ADAMTS2: variants seen among roughly 807,000 people sequenced by gnomAD.
ADAMTS2 encodes ADAM metallopeptidase with thrombospondin type 1 motif 2, also known as A disintegrin and metalloproteinase with thrombospondin motifs 2.
In ADAMTS2, 50 loss-of-function variants were observed where a neutral mutation model predicts 123.0. The ratio of observed to expected loss-of-function variants is 0.41; its 90% CI spans 0.32 to 0.51. The LOEUF (loss-of-function observed/expected upper bound fraction) is 0.51, where lower values mean the gene tolerates loss of function less well. Ranked by LOEUF, ADAMTS2 falls within the 20% of genes least tolerant of loss-of-function variation. The pLI, the probability that ADAMTS2 is intolerant of heterozygous loss-of-function variation, is 0.35. For synonymous variants in ADAMTS2, 678 were observed against 695.4 expected (o/e 0.98, Z 0.39); for missense variants, 1,494 against 1,705.2 (o/e 0.88, Z 2.18).
Position 179,272,033 on chromosome 5 carries a change from C to A in ADAMTS2, c.688+878G>T, listed in dbSNP as rs1002768439. On this transcript the variant is annotated intron_variant, in intron 3 of 21. Transcript: ENST00000251582. The surrounding 1 kb of genome is among the most constrained non-coding windows in gnomAD (Gnocchi z 5.8). ...GACCAGAGGCTGAGGGCTGAGCTCG[C>A]AGCTTCCCACTCTCCCAGCAAGAGC... Among the ~76,000 whole-genome samples, 2 of 152,238 alleles carry A rather than the reference C, an allele frequency of 1.3e-5. No homozygotes were observed. Among genetic ancestry groups the A allele is most frequent in the South Asian group, 4.1e-4 (2 of 4,834 alleles).
At chr5:179,337,140 CAG>C (rs1332523871) in intron 2 of ADAMTS2, among the ~76,000 whole-genome samples, 1 of 152,156 alleles carries the variant, frequency 6.6e-6, no homozygotes, top group Non-Finnish European at 1.5e-5. Flanking sequence ...ACATACGCAG[CAG>C]AGTGTGCAGC....
rs1320425687 is a variant in ADAMTS2 at position 179,118,050 on chromosome 5, G to A, written c.3178+3611C>T. 2.0e-5 allele frequency among the ~76,000 whole-genome samples: 3 copies of A among 152,116 alleles called. No individual in the cohort carries two copies. Among genetic ancestry groups the A allele is most frequent in the Non-Finnish European group, 4.4e-5 (3 of 68,014 alleles). ...TGAGTGAGGGGTGGCAGCCCCAGGT[G>A]GGGTCCCCCTTCCACCTGGTCTACA... On this transcript the variant is annotated intron_variant, in intron 21 of 21. Transcript: ENST00000251582. This position sits in a 1 kb window ranked among gnomAD's most constrained non-coding sequence, Gnocchi z 4.5.
intron 13 of ADAMTS2, 145 bp from the exon 14 acceptor site, chr5:179,133,045 C>G: frequency 1.8e-6 from 2 of 1,118,774 alleles, no homozygotes; most frequent in Non-Finnish European, 2.6e-6. Flanking sequence ...AGGCGTGAAC[C>G]ACCTTGCCTG....
intron 2 of ADAMTS2, among the ~76,000 whole-genome samples, chr5:179,324,251 A>G (rs935018441): frequency 6.6e-6 from 1 of 152,246 alleles, no homozygotes; most frequent in African/African-American, 2.4e-5. Flanking sequence ...TACTAAAGCC[A>G]TTCATTGAAT....
intron 6 of ADAMTS2, among the ~76,000 whole-genome samples, chr5:179,157,418 G>C (rs1763494874): frequency 6.6e-6 from 1 of 152,170 alleles, no homozygotes; most frequent in Admixed American, 6.5e-5. Flanking sequence ...GTGTTTGAGG[G>C]GAGCTATCCA....
At chr5:179,208,357 A>T (rs1440574553) in intron 3 of ADAMTS2, among the ~76,000 whole-genome samples, 1 of 152,140 alleles carries the variant, frequency 6.6e-6, no homozygotes, top group Non-Finnish European at 1.5e-5. Context: ...GCGAGGCCCC[A>T]CATCTCTGGG....
intron 3 of ADAMTS2, among the ~76,000 whole-genome samples, chr5:179,265,904 G>C (rs567061343): frequency 7.9e-5 from 12 of 152,356 alleles, no homozygotes; most frequent in South Asian, 6.2e-4. Flanking sequence ...TCAGCTCCAG[G>C]GTGGAAAGAG....
chr5:179,312,969 G>A lies in ADAMTS2; in HGVS notation c.534+30798C>T, dbSNP rs1391548235. Among the ~76,000 whole-genome samples the A allele has an allele frequency of 2.0e-5, 3 of 152,242 alleles. No individual in the cohort carries two copies. The highest frequency in any genetic ancestry group is 4.8e-5 in the African/African-American group (2 of 41,456). The stretch of plus-strand genomic sequence containing the variant: ...CTGATATGGACTAAAAGTGGTGAGA[G>A]AATTATGGTAGAAGAATGGGGCTGG... On this transcript the variant is annotated intron_variant, in intron 2 of 21. Coordinates refer to ENST00000251582, the MANE Select transcript of ADAMTS2 (RefSeq NM_014244.5). The surrounding 1 kb of genome is among the most constrained non-coding windows in gnomAD (Gnocchi z 4.2).
intron 3 of ADAMTS2, among the ~76,000 whole-genome samples, chr5:179,245,743 G>A (rs541843948): frequency 7.4e-5 from 8 of 108,466 alleles, no homozygotes; most frequent in Non-Finnish European, 1.4e-4. Flanking sequence ...TCCAGCCTGG[G>A]CGACAGAGCG....
chr5:179,296,950 G>A (rs948491690), intron 2 of ADAMTS2, among the ~76,000 whole-genome samples: 5 of 152,174 alleles, frequency 3.3e-5, no homozygotes, highest in Middle Eastern at 3.2e-3. Flanking sequence ...AAGAGAGACA[G>A]AGAAAACTGC....
Position 179,207,420 on chromosome 5 carries a change from T to C in ADAMTS2, c.891+93A>G, listed in dbSNP as rs2113373603. 5 of 1,357,160 alleles carry C rather than the reference T, an allele frequency of 3.7e-6. No individual in the cohort carries two copies. In the South Asian group the frequency reaches 4.8e-5, roughly 13 times the overall value. The allele number at this position is 1,357,160 out of a possible 1,614,324, so 84.1% of individuals were successfully genotyped here. ...GGCTAACAAGGAAATCGGCAGAGCC[T>C]CAGGGGACCTGGCCCAGCTGGGCCT... On this transcript the variant is annotated intron_variant, in intron 4 of 21. Coordinates refer to ENST00000251582, the MANE Select transcript of ADAMTS2 (RefSeq NM_014244.5).
Position 179,314,955 on chromosome 5 carries a change from C to A in ADAMTS2, c.534+28812G>T, listed in dbSNP as rs907981946. On this transcript the variant is annotated intron_variant, in intron 2 of 21. Transcript: ENST00000251582. The surrounding 1 kb of genome is among the most constrained non-coding windows in gnomAD (Gnocchi z 4.5). ...ACATTAAGCGACTCCCCTCCCAGAGCCTAATCACAGCCAGCTACGCCCCCT... is the reference window on the plus strand; with the variant it reads ...ACATTAAGCGACTCCCCTCCCAGAGACTAATCACAGCCAGCTACGCCCCCT... Among the ~76,000 whole-genome samples, 11 of 152,162 alleles carry A rather than the reference C, an allele frequency of 7.2e-5. No homozygotes were observed. Among genetic ancestry groups the A allele is most frequent in the Admixed American group, 7.2e-4 (11 of 15,274 alleles).
chr5:179,146,655 T>G (rs1010014457), intron 10 of ADAMTS2, among the ~76,000 whole-genome samples: 2 of 152,246 alleles, frequency 1.3e-5, no homozygotes, highest in African/African-American at 2.4e-5. Context: ...ACTTCTTTGA[T>G]ATGTGTCTCT....
chr5:179,280,021 C>T (rs1000317843), intron 2 of ADAMTS2, among the ~76,000 whole-genome samples: 4 of 152,238 alleles, frequency 2.6e-5, no homozygotes, highest in Non-Finnish European at 5.9e-5. Context: ...GTCTAGGGCT[C>T]TGTCTTGGAG....
At chr5:179,187,787 C>A (rs1003959103) in intron 4 of ADAMTS2, among the ~76,000 whole-genome samples, 1 of 152,190 alleles carries the variant, frequency 6.6e-6, no homozygotes, top group Non-Finnish European at 1.5e-5. Flanking sequence ...AAAGCCGCAG[C>A]CATCTCTGTG....
Position 179,175,258 on chromosome 5 carries a change from T to C in ADAMTS2, c.975+5814A>G, listed in dbSNP as rs1302175213. Among the ~76,000 whole-genome samples, 1 of 151,662 alleles carries C rather than the reference T, an allele frequency of 6.6e-6. No homozygotes were observed. The highest frequency in any genetic ancestry group is 1.5e-5 in the Non-Finnish European group (1 of 67,932). On this transcript the variant is annotated intron_variant, in intron 5 of 21. Transcript: ENST00000251582. This position sits in a 1 kb window ranked among gnomAD's most constrained non-coding sequence, Gnocchi z 4.1. The stretch of plus-strand genomic sequence containing the variant: ...AGCTGTCTCAGCCATGCTTGACCGT[T>C]CATGTTCCTTTGGAGGATGTCTCTT...
At chr5:179,267,883 C>T (rs2113503132) in intron 3 of ADAMTS2, among the ~76,000 whole-genome samples, 1 of 152,316 alleles carries the variant, frequency 6.6e-6, no homozygotes, top group East Asian at 1.9e-4. Context: ...CAACCAGGCA[C>T]TTCCTGAGTG....
chr5:179,274,607 C>T lies in ADAMTS2; in HGVS notation c.535-1543G>A, dbSNP rs528247880. Among the ~76,000 whole-genome samples the T allele has an allele frequency of 5.9e-5, 9 of 152,318 alleles. No individual in the cohort carries two copies. In the South Asian group the frequency reaches 8.3e-4, roughly 14 times the overall value. ...TCTTGGTTGTGGGGGGGCACGGTGG[C>T]GCACGGGCTGCCCCTCCTTCTCCCT... On this transcript the variant is annotated intron_variant, in intron 2 of 21. Coordinates refer to ENST00000251582, the MANE Select transcript of ADAMTS2 (RefSeq NM_014244.5).
rs1762559555 is a variant in ADAMTS2, at chr5:179,111,033, A to T, written c.*2834T>A. 1 of 152,212 alleles carries T rather than the reference A, an allele frequency of 6.6e-6. No individual in the cohort carries two copies. The highest frequency in any genetic ancestry group is 2.4e-5 in the African/African-American group (1 of 41,468). The allele number at this position is 152,212 out of a possible 1,614,324, so 9.4% of individuals were successfully genotyped here. ...GTCATACAGGAGGGAGTGGAATCAT[A>T]AACTGCTTCATCTGCTAAGATGTTG... is the stretch of plus-strand genomic sequence containing the variant. On this transcript the variant is annotated 3_prime_UTR_variant, in exon 22 of 22. Transcript: ENST00000251582.
Sources: gnomAD v4.1 joint callset for allele counts (sites outside exome capture counted in the v4.1 genomes callset) on GRCh38, gnomAD v4.1.1 for gene constraint, Gnocchi (gnomAD v3.1) non-coding constraint, MANE v1.5 for transcripts, NCBI Gene and HGNC (gene_info 2026-07-23, HGNC 2026-07-21) for gene names.